The following EYS variants were observed in gnomAD, a reference collection of about 807,000 sequenced individuals.
EYS encodes the protein EGF-like photoreceptor maintenance factor, also known as protein eyes shut homolog.
Under a neutral mutation model 282.1 loss-of-function variants are expected in EYS, and 250 were observed. The observed-to-expected ratio is 0.89, with a 90% CI of 0.80 to 0.98. The LOEUF is 0.98. EYS is among the 50% of genes least tolerant of loss of function. EYS has a pLI of 0.00. For synonymous variants in EYS, 1,355 were observed against 1,282.9 expected (o/e 1.06, Z -1.20); for missense variants, 4,016 against 3,709.0 (o/e 1.08, Z -2.15).
At chr6:64,686,807 G>A (rs1315115932) in intron 22 of EYS, among the ~76,000 whole-genome samples, 11 of 43,366 alleles carry the variant, frequency 2.5e-4, no homozygotes, top group East Asian at 3.8e-4. Flanking sequence ...ATATATATGT[G>A]TGTATATATA....
chr6:65,609,734 CA>C (rs1314409656), intron 2 of EYS, among the ~76,000 whole-genome samples: 1 of 152,100 alleles, frequency 6.6e-6, no homozygotes, highest in Admixed American at 6.6e-5. Context: ...TCAGTTTCTC[CA>C]AAGCTATTCT....
At position 64,963,597 on chromosome 6, in the gene EYS, G is replaced by A. The variant is rs1318206761; in HGVS notation, c.2260-17683C>T. On this transcript the variant is annotated intron_variant, in intron 14 of 42. Coordinates refer to ENST00000503581, the MANE Select transcript of EYS (RefSeq NM_001142800.2). The stretch of plus-strand genomic sequence containing the variant: ...AATGTGTGCACGATAGCATAATTTG[G>A]CCTATGGCTTGTTTTTGATAACCAA... Among the ~76,000 whole-genome samples the A allele has an allele frequency of 3.9e-5, 6 of 152,250 alleles. No individual in the cohort carries two copies. In the East Asian group the frequency reaches 1.2e-3, roughly 29 times the overall value.
chr6:64,945,065 C>T (rs915681846), intron 15 of EYS, among the ~76,000 whole-genome samples: 1 of 149,934 alleles, frequency 6.7e-6, no homozygotes, highest in Non-Finnish European at 1.5e-5. Flanking sequence ...ACTCAGAGGC[C>T]GGTGCAGGTC....
intron 8 of EYS, among the ~76,000 whole-genome samples, chr6:65,383,659 C>T (rs1765699317): frequency 1.3e-5 from 2 of 151,630 alleles, no homozygotes; most frequent in South Asian, 4.2e-4. Context: ...CTCCCATCTA[C>T]CTCCCTATAG....
At chr6:65,442,972 GTATA>G (rs1244347896) in intron 5 of EYS, among the ~76,000 whole-genome samples, 1 of 149,908 alleles carries the variant, frequency 6.7e-6, no homozygotes, top group Non-Finnish European at 1.5e-5. Context: ...GTACATATAT[GTATA>G]TATACATATG....
intron 8 of EYS, among the ~76,000 whole-genome samples, chr6:65,361,133 T>C (rs1026697555): frequency 3.3e-5 from 5 of 151,868 alleles, no homozygotes; most frequent in Admixed American, 2.6e-4. Flanking sequence ...ACACCGCATG[T>C]TCTCACTCAT....
At chr6:64,031,512 G>A (rs191355302) in intron 33 of EYS, among the ~76,000 whole-genome samples, 240 of 152,360 alleles carry the variant, frequency 1.6e-3, no homozygotes, top group Non-Finnish European at 2.6e-3. Flanking sequence ...GAGTGCAGGC[G>A]CAGGGCGCAG....
intron 33 of EYS, among the ~76,000 whole-genome samples, chr6:64,021,934 G>C (rs4710460): frequency 6.6e-6 from 1 of 152,244 alleles, no homozygotes; most frequent in Non-Finnish European, 1.5e-5. Flanking sequence ...GATACAAAGC[G>C]TTTCCCCATT....
At chr6:65,400,316 C>T (rs542177133) in intron 7 of EYS, among the ~76,000 whole-genome samples, 48 of 151,918 alleles carry the variant, frequency 3.2e-4, no homozygotes, top group Non-Finnish European at 6.0e-4. Context: ...AATAATTTTC[C>T]AAAGTATTCA....
intron 12 of EYS, among the ~76,000 whole-genome samples, chr6:65,271,149 T>TATATATATATATATATATATATATAG (rs1767891815): frequency 7.3e-6 from 1 of 137,690 alleles, no homozygotes; most frequent in Non-Finnish European, 1.6e-5. Context: ...TATATATATA[T>TATATATATATATATATATATATATAG]ATATGAAGAT....
chr6:65,567,916 T>A (rs948908099), intron 2 of EYS, among the ~76,000 whole-genome samples: 2 of 152,100 alleles, frequency 1.3e-5, no homozygotes, highest in Non-Finnish European at 2.9e-5. Context: ...AAATATGACA[T>A]TTTGACATGC....
intron 29 of EYS, among the ~76,000 whole-genome samples, chr6:64,382,715 G>A (rs902863758): frequency 1.7e-4 from 26 of 152,200 alleles, no homozygotes; most frequent in African/African-American, 5.1e-4. Context: ...ACAGAGGTCC[G>A]AAGGATGTTG....
At chr6:64,375,436 G>A (rs1772530969) in intron 29 of EYS, among the ~76,000 whole-genome samples, 1 of 152,180 alleles carries the variant, frequency 6.6e-6, no homozygotes, top group African/African-American at 2.4e-5. Context: ...AATTTTTCCA[G>A]ACTAAATGAA....
At chr6:64,911,992 A>G (rs1369093803) in intron 16 of EYS, among the ~76,000 whole-genome samples, 1 of 152,124 alleles carries the variant, frequency 6.6e-6, no homozygotes. Context: ...TCTTTCTTGC[A>G]TAGGATTTCT....
At chr6:65,648,932 G>A (rs1767553910) in intron 1 of EYS, among the ~76,000 whole-genome samples, 1 of 151,694 alleles carries the variant, frequency 6.6e-6, no homozygotes, top group Non-Finnish European at 1.5e-5. Flanking sequence ...AGATCACGGG[G>A]TCAGGAGATA....
intron 12 of EYS, among the ~76,000 whole-genome samples, chr6:65,159,954 T>G (rs1207440208): frequency 6.6e-6 from 1 of 151,052 alleles, no homozygotes. Flanking sequence ...GTCAAAGTTT[T>G]AACTTCAAGG....
chr6:64,084,753 A>G (rs1772087841), intron 31 of EYS, among the ~76,000 whole-genome samples: 1 of 152,194 alleles, frequency 6.6e-6, no homozygotes, highest in Non-Finnish European at 1.5e-5. Context: ...TAATACGGAA[A>G]GTTTTCTAAA....
Position 63,891,763 on chromosome 6 carries a change from G to C in EYS, c.7056-27405C>G, listed in dbSNP as rs577744423. 7.2e-5 allele frequency among the ~76,000 whole-genome samples: 11 copies of C among 152,052 alleles called. No individual in the cohort carries two copies. In the South Asian group the frequency reaches 2.3e-3, roughly 32 times the overall value. ...AATCAGGCAAGAGAACGAAATAAAG[G>C]GTATTCAAATAGGAAGAGAGAATTC... On this transcript the variant is annotated intron_variant, in intron 35 of 42. Coordinates refer to ENST00000503581, the MANE Select transcript of EYS (RefSeq NM_001142800.2).
At chr6:63,917,836 G>T (rs1157361327) in intron 35 of EYS, among the ~76,000 whole-genome samples, 1 of 152,164 alleles carries the variant, frequency 6.6e-6, no homozygotes, top group East Asian at 1.9e-4. Flanking sequence ...TTATCAGCGG[G>T]AAACAAGGGA....
Sources: gnomAD v4.1 joint callset for allele counts (sites outside exome capture counted in the v4.1 genomes callset) on GRCh38, gnomAD v4.1.1 for gene constraint, MANE v1.5 for transcripts, NCBI Gene and HGNC (gene_info 2026-07-23, HGNC 2026-07-21) for gene names.